ANKS6: variants seen among roughly 807,000 people sequenced by gnomAD.
The protein encoded by ANKS6 is ankyrin repeat and sterile alpha motif domain containing 6.
ANKS6 carries 47 observed loss-of-function variants against 77.9 expected under a neutral mutation model. That is an observed-to-expected ratio of 0.60 (90% CI 0.48 to 0.77). ANKS6 has a LOEUF of 0.77. Among genes scored for constraint, ANKS6 ranks in the 30% least tolerant of loss-of-function variants. The pLI is 0.00. For synonymous variants in ANKS6, 488 were observed against 501.7 expected (o/e 0.97, Z 0.37); for missense variants, 1,150 against 1,159.1 (o/e 0.99, Z 0.11).
chr9:98,737,788 C>G (rs1309546769), intron 14 of ANKS6, among the ~76,000 whole-genome samples: 1 of 152,054 alleles, frequency 6.6e-6, no homozygotes, highest in Non-Finnish European at 1.5e-5. Flanking sequence ...CAAGAATAAG[C>G]AAAAAGAACA....
chr9:98,741,450 A>G (rs1271292146), intron 14 of ANKS6, among the ~76,000 whole-genome samples: 1 of 152,182 alleles, frequency 6.6e-6, no homozygotes, highest in Non-Finnish European at 1.5e-5. Flanking sequence ...AAAAAAAAGG[A>G]CACAAAACAC....
intron 11 of ANKS6, among the ~76,000 whole-genome samples, chr9:98,759,425 C>A (rs1394226775): frequency 2.0e-5 from 3 of 152,230 alleles, no homozygotes; most frequent in African/African-American, 7.2e-5. Flanking sequence ...TCAAGTCTGA[C>A]ATGATCTATC....
chr9:98,742,552 A>C (rs1831895249), intron 14 of ANKS6, among the ~76,000 whole-genome samples: 1 of 152,094 alleles, frequency 6.6e-6, no homozygotes. Context: ...GGTATTATTT[A>C]CTCTTGAATA....
In ANKS6 at chr9:98,786,556, C is replaced by T. The variant is rs372315952; in HGVS notation, c.863-1680G>A. Among the ~76,000 whole-genome samples, 36 of 152,276 alleles carry T rather than the reference C, an allele frequency of 2.4e-4. 1 individual carries two copies. The South Asian group carries it at 7.5e-3, about 32-fold the overall frequency. ...TCACCCACCTCCGCCTCCCAAAGTG[C>T]TGGGATTACAGGCGTGAGCCACCAC... On this transcript the variant is annotated intron_variant, in intron 2 of 14. Coordinates refer to ENST00000353234, the MANE Select transcript of ANKS6 (RefSeq NM_173551.5).
At chr9:98,747,322 G>C (rs918940891) in intron 13 of ANKS6, among the ~76,000 whole-genome samples, 3 of 151,838 alleles carry the variant, frequency 2.0e-5, no homozygotes, top group African/African-American at 7.3e-5. Flanking sequence ...TTTTCTTTCT[G>C]AAATTTTCCC....
intron 2 of ANKS6, among the ~76,000 whole-genome samples, chr9:98,786,294 T>G (rs894684230): frequency 5.5e-5 from 7 of 128,328 alleles, no homozygotes; most frequent in South Asian, 2.4e-4. Context: ...TCCAGAATTG[T>G]TTTTTTTTTT....
intron 4 of ANKS6, among the ~76,000 whole-genome samples, chr9:98,783,316 T>A (rs139445274): frequency 1.6e-3 from 246 of 152,230 alleles, no homozygotes; most frequent in Non-Finnish European, 2.8e-3. Flanking sequence ...GAAAACAAAC[T>A]GTTTTCAGAT....
chr9:98,732,868 C>T lies in ANKS6; in HGVS notation c.*3651G>A. On this transcript the variant is annotated 3_prime_UTR_variant, in exon 15 of 15. Transcript: ENST00000353234. The stretch of plus-strand genomic sequence containing the variant: ...AACAGGCACCCAACTGACCCTTCCT[C>T]CCTGACGATCTAGAACTTACACATT... 5 of 1,168,170 alleles carry T rather than the reference C, an allele frequency of 4.3e-6. No homozygotes were observed. Among genetic ancestry groups the T allele is most frequent in the Non-Finnish European group, 5.3e-6 (5 of 942,392 alleles). The allele number at this position is 1,168,170 out of a possible 1,614,324, so 72.4% of individuals were successfully genotyped here.
chr9:98,735,390 C>A lies in ANKS6; in HGVS notation c.*1129G>T. On this transcript the variant is annotated 3_prime_UTR_variant, in exon 15 of 15. Coordinates refer to ENST00000353234, the MANE Select transcript of ANKS6 (RefSeq NM_173551.5). ...TGCAACAAGCACTGGCTGAATGAGTCATTCACTGGAAAACACTTCAGAAAG... is the reference window on the plus strand; with the variant it reads ...TGCAACAAGCACTGGCTGAATGAGTAATTCACTGGAAAACACTTCAGAAAG... 9.0e-7 allele frequency: 1 copy of A among 1,116,038 alleles called. No individual in the cohort carries two copies. The allele number at this position is 1,116,038 out of a possible 1,614,324, so 69.1% of individuals were successfully genotyped here.
At chr9:98,765,488 C>T (rs1366532406) in intron 11 of ANKS6, among the ~76,000 whole-genome samples, 2 of 152,190 alleles carry the variant, frequency 1.3e-5, no homozygotes, top group African/African-American at 4.8e-5. Context: ...CATGTCCAAG[C>T]TTGTTGTAGA....
In ANKS6 at chr9:98,790,541, C is replaced by T. The variant is rs764519360; in HGVS notation, c.425G>A (p.Arg142Gln). ...DHGADVNAQN[R>Q]LGASVLTVAS... ...CACAGTGAGCACACTGGCCCCCAGC[C>T]GGTTCTGGGCATTGACATCAGCCCC... Residue 142 changes from arginine (R) to glutamine (Q), a missense_variant, in exon 2 of 15, where the codon CGG becomes CAG. Arg to Gln is a conservative substitution (Grantham distance 43). Transcript: ENST00000353234. 1.2e-4 allele frequency: 187 copies of T among 1,612,984 alleles called. No homozygotes were observed. Among genetic ancestry groups the T allele is most frequent in the East Asian group, 1.8e-4 (8 of 44,862 alleles).
rs375836520 is a variant in ANKS6, at chr9:98,768,376, C to T, written c.1973-126G>A. ...CCAGACTCCCTTCCCCATGTGGCTC[C>T]AGGACAGGACTGACCACAGGAGAAT... On this transcript the variant is annotated intron_variant, in intron 10 of 14. Coordinates refer to ENST00000353234, the MANE Select transcript of ANKS6 (RefSeq NM_173551.5). 3.5e-5 allele frequency: 40 copies of T among 1,144,034 alleles called. No homozygotes were observed. The African/African-American group carries it at 5.6e-4, about 16-fold the overall frequency. 70.9% of individuals were successfully genotyped at this position (1,144,034 alleles called of 1,614,324 possible).
intron 2 of ANKS6, 119 bp downstream of exon 2, chr9:98,789,985 T>A: frequency 7.2e-7 from 1 of 1,382,930 alleles, no homozygotes. Flanking sequence ...TCAGTCTCAG[T>A]GGTCTGCAGG....
At position 98,791,854 on chromosome 9, in the gene ANKS6, C is replaced by A. The variant is rs1415635242; in HGVS notation, c.360-1248G>T. Among the ~76,000 whole-genome samples, 1 of 152,168 alleles carries A rather than the reference C, an allele frequency of 6.6e-6. No individual in the cohort carries two copies. Among genetic ancestry groups the A allele is most frequent in the Non-Finnish European group, 1.5e-5 (1 of 68,016 alleles). ...GGATGTGAACCTGAACAGCATGGGG[C>A]TACTCAGCCACGAAGCAAGAGCCTG... On this transcript the variant is annotated intron_variant, in intron 1 of 14. Transcript: ENST00000353234. The surrounding 1 kb of genome is among the most constrained non-coding windows in gnomAD (Gnocchi z 4.3).
chr9:98,772,693 CA>C (rs1290735351), intron 9 of ANKS6, among the ~76,000 whole-genome samples: 1 of 152,200 alleles, frequency 6.6e-6, no homozygotes, highest in Admixed American at 6.5e-5. Context: ...AACACACTTG[CA>C]AAGGCCATAG....
intron 4 of ANKS6, 82 bp from the exon 5 acceptor site, chr9:98,782,655 A>G (rs1257138000): frequency 5.5e-6 from 6 of 1,093,478 alleles, no homozygotes; most frequent in Non-Finnish European, 8.4e-6. Flanking sequence ...CATTAACTAC[A>G]AAGCTCAGTC....
At chr9:98,739,946 G>A (rs1173406059) in intron 14 of ANKS6, among the ~76,000 whole-genome samples, 2 of 151,576 alleles carry the variant, frequency 1.3e-5, no homozygotes, top group African/African-American at 4.9e-5. Context: ...TAGTAGAGAC[G>A]GGGTTTCACC....
In ANKS6 at chr9:98,751,071, T is replaced by C. The variant is rs768522446; in HGVS notation, c.2352A>G (p.Lys784=). Residue 784 remains lysine (K), a synonymous_variant, in exon 13 of 15, where the codon AAA becomes AAG. Transcript: ENST00000353234. ...DEDELTGILK[K]LSLEKYQPIF... is the part of the protein sequence containing the mutation. The stretch of plus-strand genomic sequence containing the variant: ...TGGGCTGATATTTCTCAAGTGATAA[T>C]TTCTTAAGGATTCCAGTCAGTTCAT... 2 of 1,610,908 alleles carry C rather than the reference T, an allele frequency of 1.2e-6. No homozygotes were observed. The highest frequency in any genetic ancestry group is 1.7e-5 in the Admixed American group (1 of 59,514).
chr9:98,733,994 G>A lies in ANKS6; in HGVS notation c.*2525C>T. On this transcript the variant is annotated 3_prime_UTR_variant, in exon 15 of 15. Coordinates refer to ENST00000353234, the MANE Select transcript of ANKS6 (RefSeq NM_173551.5). ...TGTGGGAAGGGAAGGGGGTGATCAA[G>A]GACCAAAAATCAGAAAAACAAGCAC... 9.1e-6 allele frequency: 9 copies of A among 985,302 alleles called. No homozygotes were observed. The highest frequency in any genetic ancestry group is 1.1e-5 in the Non-Finnish European group (9 of 829,934). 61.0% of individuals were successfully genotyped at this position (985,302 alleles called of 1,614,324 possible).
Sources: allele counts gnomAD v4.1 joint callset (sites outside exome capture counted in the v4.1 genomes callset), GRCh38; gene constraint gnomAD v4.1.1; non-coding constraint Gnocchi (gnomAD v3.1); transcripts MANE v1.5; gene names NCBI Gene and HGNC (gene_info 2026-07-23, HGNC 2026-07-21).